CNOT11: variants seen among roughly 807,000 people sequenced by gnomAD.
CNOT11 encodes CCR4-NOT transcription complex subunit 11.
CNOT11 carries 18 observed loss-of-function variants against 44.6 expected under a neutral mutation model. The ratio of observed to expected loss-of-function variants is 0.40; its 90% CI spans 0.28 to 0.60. The LOEUF (loss-of-function observed/expected upper bound fraction) is 0.60, where lower values mean the gene tolerates loss of function less well. Ranked by LOEUF, CNOT11 falls within the 20% of genes least tolerant of loss-of-function variation. The pLI, the probability that CNOT11 is intolerant of heterozygous loss-of-function variation, is 0.38. For synonymous variants in CNOT11, 291 were observed against 270.9 expected (o/e 1.07, Z -0.73); for missense variants, 513 against 677.0 (o/e 0.76, Z 2.69).
intron 2 of CNOT11, among the ~76,000 whole-genome samples, chr2:101,259,537 A>G (rs562417760): frequency 6.6e-6 from 1 of 152,292 alleles, no homozygotes; most frequent in South Asian, 2.1e-4. Context: ...CTCACTTGAG[A>G]GCAACTCAAC....
intron 1 of CNOT11, among the ~76,000 whole-genome samples, chr2:101,254,863 AACACAC>A (rs138305137): frequency 1.4e-5 from 2 of 141,044 alleles, no homozygotes; most frequent in South Asian, 2.3e-4. Flanking sequence ...ACAGCTTCTA[AACACAC>A]ACACACACAC....
At chr2:101,255,266 C>A (rs567859738) in intron 1 of CNOT11, among the ~76,000 whole-genome samples, 2 of 152,096 alleles carry the variant, frequency 1.3e-5, no homozygotes, top group African/African-American at 4.8e-5. Flanking sequence ...GAGGCCGAGG[C>A]GGGCGGATCA....
In CNOT11 at chr2:101,253,218, T is replaced by C; in HGVS notation, c.254T>C (p.Phe85Ser). The change falls in exon 1 of 7, where the codon TTC (phenylalanine) becomes TCC (serine). Residue 85 changes from phenylalanine (F) to serine (S), a missense_variant. Transcript: ENST00000289382. The surrounding 1 kb of genome is among the most constrained non-coding windows in gnomAD (Gnocchi z 4.3). ...GAGGAGGCGGGCGGCGGCAGCACCT[T>C]CGAGGGCCTGTCCACCGCCTTCCAC... is the stretch of plus-strand genomic sequence containing the variant. ...ISEEAGGGST[F>S]EGLSTAFHHY... 6.2e-7 allele frequency: 1 copy of C among 1,608,818 alleles called. No homozygotes were observed.
intron 5 of CNOT11, among the ~76,000 whole-genome samples, chr2:101,267,095 A>G (rs1465271837): frequency 6.6e-6 from 1 of 152,222 alleles, no homozygotes; most frequent in East Asian, 1.9e-4. Flanking sequence ...GTAGAAGCAT[A>G]AATGAAATTT....
chr2:101,253,614 G>T lies in CNOT11; in HGVS notation c.514+136G>T. 1 of 857,942 alleles carries T rather than the reference G, an allele frequency of 1.2e-6. No individual in the cohort carries two copies. Among genetic ancestry groups the T allele is most frequent in the Non-Finnish European group, 1.7e-6 (1 of 591,910 alleles). 53.1% of individuals were successfully genotyped at this position (857,942 alleles called of 1,614,324 possible). Reference sequence around the variant, plus strand: ...TCATCCTCTTTTTCCGCCTCTCTCTGCGTTCCCACGCCCCTCACTCCTCCC... The same window carrying T: ...TCATCCTCTTTTTCCGCCTCTCTCTTCGTTCCCACGCCCCTCACTCCTCCC... On this transcript the variant is annotated intron_variant, in intron 1 of 6. Coordinates refer to ENST00000289382, the MANE Select transcript of CNOT11 (RefSeq NM_017546.5). This position sits in a 1 kb window ranked among gnomAD's most constrained non-coding sequence, Gnocchi z 4.3.
In CNOT11 at chr2:101,270,123, C is replaced by T. The variant is rs1012263045; in HGVS notation, c.*710C>T. The T allele has an allele frequency of 6.6e-6, 1 of 151,990 alleles. No individual in the cohort carries two copies. Among genetic ancestry groups the T allele is most frequent in the Non-Finnish European group, 1.5e-5 (1 of 67,950 alleles). The allele number at this position is 151,990 out of a possible 1,614,324, so 9.4% of individuals were successfully genotyped here. A position where few individuals can be genotyped will look rare whatever the true frequency, so the allele number is the denominator to read the frequency against. The stretch of plus-strand genomic sequence containing the variant: ...TGTTCTGTTATTAGTCTGAGACAGC[C>T]ATTTTTTTGTTTTAAGGAAAAATAT... On this transcript the variant is annotated 3_prime_UTR_variant, in exon 7 of 7. Coordinates refer to ENST00000289382, the MANE Select transcript of CNOT11 (RefSeq NM_017546.5).
chr2:101,267,460 CTTT>C (rs993241492), intron 5 of CNOT11, among the ~76,000 whole-genome samples: 1 of 151,740 alleles, frequency 6.6e-6, no homozygotes, highest in African/African-American at 2.4e-5. Context: ...GTCCTGTCTT[CTTT>C]ATCCCTATAC....
chr2:101,266,429 A>G (rs1036263183), intron 4 of CNOT11, among the ~76,000 whole-genome samples: 2 of 152,074 alleles, frequency 1.3e-5, no homozygotes, highest in Non-Finnish European at 1.5e-5. Context: ...GCCCAGGAAT[A>G]GGAATCACTA....
rs753326454 is a variant in CNOT11 at position 101,269,276 on chromosome 2, A to C, written c.1396A>C (p.Asn466His). ...ATCCTTGATCCGTAACAAAATTATT[A>C]ATGTACAGGATTTGTTTATAGAAGT... is the stretch of plus-strand genomic sequence containing the variant. ...LQSLIRNKII[N>H]VQDLFIEVQA... Residue 466 changes from asparagine to histidine, a missense_variant, in exon 7 of 7, where the codon AAT becomes CAT. Physicochemically the swap from Asn to His is moderately conservative, Grantham distance 68 (BLOSUM62 1). This residue lies in a region of CNOT11 where 87 missense variants were observed against 185.4 expected (regional missense o/e 0.47). Transcript: ENST00000289382. The surrounding 1 kb of genome is among the most constrained non-coding windows in gnomAD (Gnocchi z 4.8). 2 of 1,613,858 alleles carry C rather than the reference A, an allele frequency of 1.2e-6. No individual in the cohort carries two copies. The highest frequency in any genetic ancestry group is 1.7e-6 in the Non-Finnish European group (2 of 1,179,956).
chr2:101,253,611 T>C lies in CNOT11; in HGVS notation c.514+133T>C, dbSNP rs874272. On this transcript the variant is annotated intron_variant, in intron 1 of 6. Transcript: ENST00000289382. This position sits in a 1 kb window ranked among gnomAD's most constrained non-coding sequence, Gnocchi z 4.3. ...TGATCATCCTCTTTTTCCGCCTCTC[T>C]CTGCGTTCCCACGCCCCTCACTCCT... is the stretch of plus-strand genomic sequence containing the variant. 0.17 allele frequency: 152,945 copies of C among 890,048 alleles called. 14,260 individuals carry two copies. The highest frequency in any genetic ancestry group is 0.22 in the Middle Eastern group (924 of 4,130). The allele number at this position is 890,048 out of a possible 1,614,324, so 55.1% of individuals were successfully genotyped here. A position where few individuals can be genotyped will look rare whatever the true frequency, so the allele number is the denominator to read the frequency against.
rs766993170 is a variant in CNOT11 at position 101,269,020 on chromosome 2, A to G, written c.1239-20A>G. 4 of 1,511,890 alleles carry G rather than the reference A, an allele frequency of 2.6e-6. No homozygotes were observed. Among genetic ancestry groups the G allele is most frequent in the South Asian group, 1.2e-5 (1 of 84,466 alleles). 93.7% of individuals were successfully genotyped at this position (1,511,890 alleles called of 1,614,324 possible). The stretch of plus-strand genomic sequence containing the variant: ...GTTAGCAAATGAAATTAATGGGCCA[A>G]ATTTTCTTTTACGAAACAGACTAAC... On this transcript the variant is annotated intron_variant, in intron 5 of 6. Coordinates refer to ENST00000289382, the MANE Select transcript of CNOT11 (RefSeq NM_017546.5). The surrounding 1 kb of genome is among the most constrained non-coding windows in gnomAD (Gnocchi z 4.8).
rs754660121 is a variant in CNOT11 at position 101,264,939 on chromosome 2, G to T, written c.927G>T (p.Ala309=). The change falls in exon 4 of 7, where the codon GCG becomes GCT. Residue 309 remains alanine (A), a synonymous_variant. Coordinates refer to ENST00000289382, the MANE Select transcript of CNOT11 (RefSeq NM_017546.5). ...TAAACCCCACGGAGCCTGACCACGC[G>T]ATCCAGTGGGATAAATCGATGTGTG... is the stretch of plus-strand genomic sequence containing the variant. ...AWLNPTEPDH[A]IQWDKSMCVK... 1 of 1,614,104 alleles carries T rather than the reference G, an allele frequency of 6.2e-7. No homozygotes were observed. Among genetic ancestry groups the T allele is most frequent in the South Asian group, 1.1e-5 (1 of 91,082 alleles).
At chr2:101,256,141 A>AAG (rs1344786194) in intron 1 of CNOT11, among the ~76,000 whole-genome samples, 1 of 151,680 alleles carries the variant, frequency 6.6e-6, no homozygotes, top group African/African-American at 2.4e-5. Context: ...TGCCTCAAAA[A>AAG]AAAAAAAAAT....
At chr2:101,254,527 C>T (rs1314756140) in intron 1 of CNOT11, among the ~76,000 whole-genome samples, 1 of 152,140 alleles carries the variant, frequency 6.6e-6, no homozygotes, top group Non-Finnish European at 1.5e-5. Flanking sequence ...GGTACTTAAC[C>T]TGCTTCTAAG....
Position 101,270,219 on chromosome 2 carries a change from G to A in CNOT11, c.*806G>A, listed in dbSNP as rs1036134529. ...CTGTCTGGGTGGTGGATGTGGGTTTGAGAAGTAGGAGAGCAGGGTGGTACC... is the reference window on the plus strand; with the variant it reads ...CTGTCTGGGTGGTGGATGTGGGTTTAAGAAGTAGGAGAGCAGGGTGGTACC... On this transcript the variant is annotated 3_prime_UTR_variant, in exon 7 of 7. Transcript: ENST00000289382. 3.3e-5 allele frequency: 5 copies of A among 152,562 alleles called. No individual in the cohort carries two copies. Among genetic ancestry groups the A allele is most frequent in the Admixed American group, 2.6e-4 (4 of 15,254 alleles). 9.5% of individuals were successfully genotyped at this position (152,562 alleles called of 1,614,324 possible). A position where few individuals can be genotyped will look rare whatever the true frequency, so the allele number is the denominator to read the frequency against.
intron 3 of CNOT11, among the ~76,000 whole-genome samples, chr2:101,264,306 G>C (rs1453159583): frequency 1.3e-5 from 2 of 152,160 alleles, no homozygotes; most frequent in Non-Finnish European, 2.9e-5. Context: ...TGAATTTAGG[G>C]ATTCGTGACG....
intron 2 of CNOT11, among the ~76,000 whole-genome samples, chr2:101,258,613 C>T (rs1681785924): frequency 6.6e-6 from 1 of 151,508 alleles, no homozygotes; most frequent in Admixed American, 6.6e-5. Context: ...CCAAAACAAT[C>T]AACAGATTTG....
intron 2 of CNOT11, among the ~76,000 whole-genome samples, chr2:101,258,958 A>T (rs906136947): frequency 6.6e-6 from 1 of 152,116 alleles, no homozygotes; most frequent in Non-Finnish European, 1.5e-5. Context: ...ACATAAGGAA[A>T]CTTTGTCTCT....
intron 2 of CNOT11, among the ~76,000 whole-genome samples, chr2:101,259,090 C>T (rs922206202): frequency 9.2e-5 from 14 of 151,962 alleles, no homozygotes; most frequent in African/African-American, 1.9e-4. Flanking sequence ...GCTGTGATTG[C>T]GCCACTGCAC....
Sources: gnomAD v4.1 joint callset for allele counts (sites outside exome capture counted in the v4.1 genomes callset) on GRCh38, gnomAD v4.1.1 for gene constraint, gnomAD v4.1.1 regional missense constraint, Gnocchi (gnomAD v3.1) non-coding constraint, MANE v1.5 for transcripts, NCBI Gene and HGNC (gene_info 2026-07-23, HGNC 2026-07-21) for gene names.